Variants in STPG2 observed in about 807,000 individuals in gnomAD.
STPG2 encodes sperm tail PG-rich repeat containing 2, also known as sperm-tail PG-rich repeat-containing protein 2.
Under a neutral mutation model 54.2 loss-of-function variants are expected in STPG2, and 56 were observed. That is an observed-to-expected ratio of 1.03 (90% CI 0.83 to 1.29). STPG2 has a LOEUF of 1.29. Among genes scored for constraint, STPG2 ranks in the 50% most tolerant of loss-of-function variants. The pLI, the probability that STPG2 is intolerant of heterozygous loss-of-function variation, is 0.00. For missense variants in STPG2, 596 were observed against 544.9 expected, an observed-to-expected ratio of 1.09 and a Z score of -0.93; for synonymous variants, 200 against 181.8, an observed-to-expected ratio of 1.10 and a Z score of -0.81.
intron 5 of STPG2, among the ~76,000 whole-genome samples, chr4:98,060,108 T>C (rs1737597295): frequency 6.6e-6 from 1 of 152,150 alleles, no homozygotes; most frequent in African/African-American, 2.4e-5. Flanking sequence ...TCTCTTCAAA[T>C]AGGAAGACAG....
At chr4:98,078,822 T>G (rs1738251849) in intron 5 of STPG2, among the ~76,000 whole-genome samples, 1 of 152,168 alleles carries the variant, frequency 6.6e-6, no homozygotes, top group Non-Finnish European at 1.5e-5. Flanking sequence ...TTAGACTGAT[T>G]ATATATACAT....
intron 8 of STPG2, among the ~76,000 whole-genome samples, chr4:97,918,725 A>C (rs1286637743): frequency 6.6e-6 from 1 of 152,130 alleles, no homozygotes; most frequent in Non-Finnish European, 1.5e-5. Context: ...ATGGAAAACC[A>C]AACATCCTAT....
intron 10 of STPG2, among the ~76,000 whole-genome samples, chr4:97,568,800 G>T (rs1269281576): frequency 6.6e-6 from 1 of 151,824 alleles, no homozygotes; most frequent in East Asian, 1.9e-4. Context: ...ATGGGTAGAG[G>T]CATGTCAAAA....
At chr4:98,051,643 A>C (rs1344989453) in intron 5 of STPG2, among the ~76,000 whole-genome samples, 1 of 152,086 alleles carries the variant, frequency 6.6e-6, no homozygotes, top group Non-Finnish European at 1.5e-5. Context: ...TGAGCCAAAT[A>C]AACTTATTTT....
intron 9 of STPG2, among the ~76,000 whole-genome samples, chr4:97,829,767 G>A (rs180996401): frequency 1.9e-3 from 295 of 151,994 alleles, no homozygotes; most frequent in African/African-American, 7.0e-3. Context: ...GTGGAAGAAA[G>A]GAATATCAGA....
chr4:97,897,342 T>C (rs896145136), intron 8 of STPG2, among the ~76,000 whole-genome samples: 1 of 152,122 alleles, frequency 6.6e-6, no homozygotes, highest in Non-Finnish European at 1.5e-5. Context: ...GTCTTTGCTA[T>C]TGTGAATAGT....
At chr4:97,934,226 T>C (rs1732661063) in intron 8 of STPG2, among the ~76,000 whole-genome samples, 1 of 152,352 alleles carries the variant, frequency 6.6e-6, no homozygotes, top group Non-Finnish European at 1.5e-5. Context: ...TCCTGAGACT[T>C]TGCTGAAGTT....
chr4:97,571,855 T>G (rs1049995359), intron 10 of STPG2, among the ~76,000 whole-genome samples: 2 of 152,200 alleles, frequency 1.3e-5, no homozygotes, highest in Non-Finnish European at 2.9e-5. Flanking sequence ...TTAGTTTGAC[T>G]CTTTTCGTTG....
intron 3 of STPG2, among the ~76,000 whole-genome samples, chr4:98,112,138 A>G (rs1023796353): frequency 6.6e-6 from 1 of 152,126 alleles, no homozygotes; most frequent in Non-Finnish European, 1.5e-5. Flanking sequence ...TCACATATAT[A>G]GTTATGTACC....
intron 7 of STPG2, among the ~76,000 whole-genome samples, chr4:97,947,516 C>T (rs926376668): frequency 6.6e-6 from 1 of 152,040 alleles, no homozygotes; most frequent in African/African-American, 2.4e-5. Flanking sequence ...AACTTTTCCT[C>T]ATTCAATATA....
At chr4:97,880,721 AGCATTTTT>A (rs1322960823) in intron 8 of STPG2, among the ~76,000 whole-genome samples, 1 of 152,100 alleles carries the variant, frequency 6.6e-6, no homozygotes, top group Non-Finnish European at 1.5e-5. Context: ...TTTTTTCCTG[AGCATTTTT>A]GCATTTTTGC....
At chr4:97,637,063 C>A (rs1299839025) in intron 10 of STPG2, among the ~76,000 whole-genome samples, 1 of 152,208 alleles carries the variant, frequency 6.6e-6, no homozygotes, top group Admixed American at 6.5e-5. Flanking sequence ...AGAACAATAT[C>A]CTTGATGAAC....
intron 4 of STPG2, among the ~76,000 whole-genome samples, chr4:97,465,600 A>G (rs903753663): frequency 6.6e-6 from 1 of 151,900 alleles, no homozygotes; most frequent in South Asian, 2.1e-4. Context: ...GGTTCCAGGA[A>G]CCCCAGTGCA....
At chr4:98,021,782 TGTCTCTTTTGATCTTTGTTGGTTTAAA>T in intron 5 of STPG2, among the ~76,000 whole-genome samples, 1 of 151,930 alleles carries the variant, frequency 6.6e-6, no homozygotes, top group Non-Finnish European at 1.5e-5. Flanking sequence ...TGGCCTTCTT[TGTCTCTTTTGATCTTTGTTGGTTTAAA>T]GTCTCTTTTA....
At chr4:97,963,749 TTATA>T (rs1733987279) in intron 7 of STPG2, among the ~76,000 whole-genome samples, 1 of 151,836 alleles carries the variant, frequency 6.6e-6, no homozygotes, top group African/African-American at 2.4e-5. Context: ...ATATATTTAT[TTATA>T]CTTATATCGG....
chr4:98,020,707 G>C (rs995967234), intron 5 of STPG2, among the ~76,000 whole-genome samples: 1 of 152,136 alleles, frequency 6.6e-6, no homozygotes, highest in African/African-American at 2.4e-5. Flanking sequence ...CCTGTTATTG[G>C]TCTATTCAGA....
At chr4:97,564,586 C>T (rs1306884715) in intron 10 of STPG2, among the ~76,000 whole-genome samples, 1 of 152,084 alleles carries the variant, frequency 6.6e-6, no homozygotes, top group Non-Finnish European at 1.5e-5. Context: ...TGTTCCTTTC[C>T]ATGTTTAGTG....
rs530841883 is a variant in STPG2 at position 97,696,943 on chromosome 4, G to GA, written c.1320+15755dup. 6.2e-3 allele frequency among the ~76,000 whole-genome samples: 941 copies of GA among 152,286 alleles called. 6 individuals are homozygous for GA. The highest frequency in any genetic ancestry group is 0.01 in the Non-Finnish European group (692 of 68,014). ...TTGTAAACAGGATTGGACCTGGCCA[G>GA]AAAAAATGAACATACTTGTTTGGGA... On this transcript the variant is annotated intron_variant, in intron 10 of 10. Coordinates refer to ENST00000295268, the MANE Select transcript of STPG2 (RefSeq NM_174952.3).
chr4:97,723,927 T>A (rs1255369942), intron 9 of STPG2, among the ~76,000 whole-genome samples: 3 of 152,192 alleles, frequency 2.0e-5, no homozygotes, highest in African/African-American at 7.2e-5. Flanking sequence ...CACGTGGTGA[T>A]TACAATTTGA....
Sources: allele counts gnomAD v4.1 joint callset (sites outside exome capture counted in the v4.1 genomes callset), GRCh38; gene constraint gnomAD v4.1.1; transcripts MANE v1.5; gene names NCBI Gene and HGNC (gene_info 2026-07-23, HGNC 2026-07-21).